RBBP8: variants seen among roughly 807,000 people sequenced by gnomAD.
The protein encoded by RBBP8 is RB binding protein 8, endonuclease.
A neutral mutation model predicts 108.3 loss-of-function variants in RBBP8; 88 were observed. The ratio of observed to expected loss-of-function variants is 0.81; its 90% confidence interval spans 0.68 to 0.97. The LOEUF is 0.97. RBBP8 is among the 50% of genes least tolerant of loss of function. The pLI is 0.00. For missense variants in RBBP8, 1,023 were observed against 1,049.0 expected, an observed-to-expected ratio of 0.98 and a Z score of 0.34; for synonymous variants, 332 against 348.2, an observed-to-expected ratio of 0.95 and a Z score of 0.52.
chr18:23,006,948 C>T (rs908991212), intron 16 of RBBP8, among the ~76,000 whole-genome samples: 1 of 151,402 alleles, frequency 6.6e-6, no homozygotes, highest in Non-Finnish European at 1.5e-5. Flanking sequence ...GCACCATCAC[C>T]TTTTTTTGGC....
intron 7 of RBBP8, 93 bp from the exon 8 acceptor site, chr18:22,984,792 TA>T (rs1915200595): frequency 1.4e-6 from 1 of 716,782 alleles, no homozygotes; most frequent in Non-Finnish European, 2.3e-6. Context: ...AGATAATACA[TA>T]AAAATTTTAA....
At chr18:22,947,483 A>G (rs962756743) in intron 3 of RBBP8, among the ~76,000 whole-genome samples, 3 of 152,026 alleles carry the variant, frequency 2.0e-5, no homozygotes, top group Non-Finnish European at 4.4e-5. Flanking sequence ...TTACAGTTAC[A>G]TTTTCAAATA....
chr18:22,952,758 C>A (rs1912151311), intron 4 of RBBP8, among the ~76,000 whole-genome samples: 1 of 152,166 alleles, frequency 6.6e-6, no homozygotes, highest in Admixed American at 6.5e-5. Flanking sequence ...TCTGTTTTCT[C>A]TGGATATGTA....
At chr18:23,021,445 T>C (rs1368784476) in intron 17 of RBBP8, among the ~76,000 whole-genome samples, 4 of 152,208 alleles carry the variant, frequency 2.6e-5, no homozygotes, top group Non-Finnish European at 5.9e-5. Flanking sequence ...TCATCTATGT[T>C]CTATTAAACC....
chr18:22,972,435 A>ATTTTT, intron 5 of RBBP8, among the ~76,000 whole-genome samples: 1 of 133,360 alleles, frequency 7.5e-6, no homozygotes, highest in Non-Finnish European at 1.6e-5. Flanking sequence ...TTTTTTAGAG[A>ATTTTT]TGGATTCTTG....
At chr18:23,001,493 C>G in intron 14 of RBBP8, 93 bp from the exon 15 acceptor site, 10 of 1,401,340 alleles carry the variant, frequency 7.1e-6, no homozygotes, top group South Asian at 7.0e-5. Context: ...GGACTGCATT[C>G]TGTTATTGTG....
intron 12 of RBBP8, among the ~76,000 whole-genome samples, chr18:22,994,659 GAA>G (rs998200703): frequency 1.4e-5 from 2 of 139,446 alleles, no homozygotes; most frequent in African/African-American, 5.2e-5. Context: ...AAAAAAAAAA[GAA>G]AAAAAAAATT....
Position 22,996,314 on chromosome 18 carries a change from A to G in RBBP8, c.1940-60A>G, listed in dbSNP as rs183655991. 182 of 1,600,232 alleles carry G rather than the reference A, an allele frequency of 1.1e-4. 1 individual carries two copies. In the African/African-American group the frequency reaches 2.2e-3, roughly 19 times the overall value. ...TATTCTTTAGGTCCCATAATATTTT[A>G]AAGTGATGAGAATTTTTGAAATCAG... On this transcript the variant is annotated intron_variant, in intron 12 of 18. Coordinates refer to ENST00000327155, the MANE Select transcript of RBBP8 (RefSeq NM_002894.3).
chr18:22,989,742 G>A (rs1156741061), intron 9 of RBBP8, among the ~76,000 whole-genome samples: 1 of 152,024 alleles, frequency 6.6e-6, no homozygotes, highest in Non-Finnish European at 1.5e-5. Flanking sequence ...ACACAGTCAT[G>A]GAGCCCTATA....
rs1188548647 is a variant in RBBP8 at position 22,989,445 on chromosome 18, AC to A, written c.807+128del. 1.7e-5 allele frequency: 11 copies of A among 658,108 alleles called. No homozygotes were observed. The Middle Eastern group carries it at 1.5e-3, about 89-fold the overall frequency. The allele number at this position is 658,108 out of a possible 1,614,324, so 40.8% of individuals were successfully genotyped here. A position where few individuals can be genotyped will look rare whatever the true frequency, so the allele number is the denominator to read the frequency against. ...TGGGTAAAGGCCTGAAACAAAACTT[AC>A]ATTGTTAGAAAGTCCTATTTCTGTT... On this transcript the variant is annotated intron_variant, in intron 9 of 18. Coordinates refer to ENST00000327155, the MANE Select transcript of RBBP8 (RefSeq NM_002894.3).
chr18:23,017,714 T>TAA (rs1416304010), intron 17 of RBBP8, among the ~76,000 whole-genome samples: 1 of 149,122 alleles, frequency 6.7e-6, no homozygotes, highest in African/African-American at 2.5e-5. Flanking sequence ...CATAATTTTT[T>TAA]AAAAATAATT....
rs187273170 is a variant in RBBP8, at chr18:22,937,671, T to G, written c.109+711T>G. On this transcript the variant is annotated intron_variant, in intron 2 of 18. Coordinates refer to ENST00000327155, the MANE Select transcript of RBBP8 (RefSeq NM_002894.3). ...TTTTTTATTTTTTGTAGAGTCAGGG[T>G]CTCACTATGTTGCCCAGGCTGGTCT... Among the ~76,000 whole-genome samples, 460 of 152,008 alleles carry G rather than the reference T, an allele frequency of 3.0e-3. 3 individuals are homozygous for G. The highest frequency in any genetic ancestry group is 1.0e-2 in the African/African-American group (413 of 41,472).
intron 16 of RBBP8, among the ~76,000 whole-genome samples, chr18:23,015,472 C>A (rs1157665421): frequency 1.3e-5 from 2 of 152,054 alleles, no homozygotes; most frequent in Admixed American, 1.3e-4. Flanking sequence ...TATAATCCCA[C>A]TTGTATATTT....
At chr18:23,014,371 CCTT>C (rs1282500060) in intron 16 of RBBP8, among the ~76,000 whole-genome samples, 2 of 152,176 alleles carry the variant, frequency 1.3e-5, no homozygotes, top group African/African-American at 4.8e-5. Flanking sequence ...AAACTGAAAA[CCTT>C]CTGGAAAGGA....
chr18:22,928,581 G>T (rs1344396644), upstream of RBBP8, among the ~76,000 whole-genome samples: 1 of 152,168 alleles, frequency 6.6e-6, no homozygotes. Flanking sequence ...AAGAGGGAAA[G>T]AGCAAGGGGT....
At chr18:22,937,167 C>T (rs1224401627) in intron 2 of RBBP8, 3 of 1,064,610 alleles carry the variant, frequency 2.8e-6, no homozygotes, top group Non-Finnish European at 3.8e-6. Flanking sequence ...AGCATGGTAC[C>T]CCATAGGTAG....
At position 22,997,666 on chromosome 18, in the gene RBBP8, G is replaced by A. The variant is rs1318810534; in HGVS notation, c.2075G>A (p.Cys692Tyr). The change falls in exon 14 of 19, where the codon TGT becomes TAT. Residue 692 changes from cysteine to tyrosine, a missense_variant. Physicochemically the swap from Cys to Tyr is radical, Grantham distance 194 (BLOSUM62 -2). Transcript: ENST00000327155. The part of the protein sequence containing the change: ...KLGGETVDMD[C>Y]TLVSETVLLK... ...GGAGGAGAGACAGTGGACATGGACT[G>A]TACATTGGTTAGTGAAACCGTTCTC... 2 of 1,610,744 alleles carry A rather than the reference G, an allele frequency of 1.2e-6. No homozygotes were observed. The highest frequency in any genetic ancestry group is 1.7e-6 in the Non-Finnish European group (2 of 1,178,062).
chr18:22,972,382 A>G (rs1002576307), intron 5 of RBBP8, among the ~76,000 whole-genome samples: 2 of 149,068 alleles, frequency 1.3e-5, no homozygotes, highest in Non-Finnish European at 3.0e-5. Context: ...AAAATCAAAG[A>G]ATTAGCTGGG....
At position 22,933,504 on chromosome 18, in the gene RBBP8, C is replaced by T. The variant is rs1265194188; in HGVS notation, c.-159C>T. On this transcript the variant is annotated 5_prime_UTR_variant, in exon 1 of 19. Coordinates refer to ENST00000327155, the MANE Select transcript of RBBP8 (RefSeq NM_002894.3). ...AAGCGAGCAGCCGTCCTTTCACAGCCTCAGAAAGTGCTCGCTTCCCTTCGG... is the reference window on the plus strand; with the variant it reads ...AAGCGAGCAGCCGTCCTTTCACAGCTTCAGAAAGTGCTCGCTTCCCTTCGG... 1.3e-5 allele frequency: 2 copies of T among 154,284 alleles called. No homozygotes were observed. Among genetic ancestry groups the T allele is most frequent in the Non-Finnish European group, 2.9e-5 (2 of 68,234 alleles). 9.6% of individuals were successfully genotyped at this position (154,284 alleles called of 1,614,324 possible).
Sources: gnomAD v4.1 joint callset for allele counts (sites outside exome capture counted in the v4.1 genomes callset) on GRCh38, gnomAD v4.1.1 for gene constraint, MANE v1.5 for transcripts, NCBI Gene and HGNC (gene_info 2026-07-23, HGNC 2026-07-21) for gene names.